The following SSU72 variants were observed in gnomAD, a reference collection of about 807,000 sequenced individuals.
SSU72 encodes the protein RNA polymerase II subunit A C-terminal domain phosphatase SSU72.
SSU72 carries 12 observed loss-of-function variants against 22.7 expected under a neutral mutation model. That is an observed-to-expected ratio of 0.53 (90% CI 0.34 to 0.86). SSU72 has a LOEUF of 0.86. SSU72 is among the 40% of genes least tolerant of loss of function. The pLI is 0.02. For synonymous variants in SSU72, 116 were observed against 98.3 expected, an observed-to-expected ratio of 1.18 and a Z score of -1.06; for missense variants, 151 against 249.8, an observed-to-expected ratio of 0.60 and a Z score of 2.67.
At chr1:1,565,561 A>G (rs6603791) in intron 1 of SSU72, among the ~76,000 whole-genome samples, 78,434 of 151,896 alleles carry the variant, frequency 0.52, 24,590 homozygotes, top group East Asian at 0.87. Context: ...TAAGGGACTC[A>G]CAAAGGTCCA....
intron 2 of SSU72, among the ~76,000 whole-genome samples, chr1:1,553,834 G>C (rs77524534): frequency 2.0e-5 from 3 of 151,342 alleles, no homozygotes; most frequent in African/African-American, 7.3e-5. Flanking sequence ...AGACGAACTG[G>C]AGCAGGCCGC....
chr1:1,550,192 G>GTATA (rs1188956150), intron 2 of SSU72, among the ~76,000 whole-genome samples: 33 of 139,288 alleles, frequency 2.4e-4, no homozygotes, highest in African/African-American at 5.6e-4. Context: ...AAAAAAAAAA[G>GTATA]TATATATATA....
chr1:1,554,540 T>C lies in SSU72; in HGVS notation c.225-9538A>G, dbSNP rs995458542. Among the ~76,000 whole-genome samples the C allele has an allele frequency of 6.6e-6, 1 of 152,178 alleles. No individual in the cohort carries two copies. The highest frequency in any genetic ancestry group is 2.4e-5 in the African/African-American group (1 of 41,446). On this transcript the variant is annotated intron_variant, in intron 2 of 4. Coordinates refer to ENST00000291386, the MANE Select transcript of SSU72 (RefSeq NM_014188.3). This position sits in a 1 kb window ranked among gnomAD's most constrained non-coding sequence, Gnocchi z 4.1. ...TTTTCCTTACCAAGGTTTTCTCTTT[T>C]CACTCCCTAGGGGCCTTAGTGGGAC...
At chr1:1,572,918 T>C (rs1280786337) in intron 1 of SSU72, among the ~76,000 whole-genome samples, 1 of 150,342 alleles carries the variant, frequency 6.7e-6, no homozygotes, top group Non-Finnish European at 1.5e-5. Context: ...TGCTTAAATG[T>C]ATCAAATTTT....
At chr1:1,571,499 G>A (rs920433680) in intron 1 of SSU72, among the ~76,000 whole-genome samples, 1 of 150,352 alleles carries the variant, frequency 6.7e-6, no homozygotes, top group South Asian at 2.1e-4. Context: ...CCATATTCAT[G>A]ATATCCATAA....
rs1288572664 is a variant in SSU72, at chr1:1,554,329, T to A, written c.225-9327A>T. Among the ~76,000 whole-genome samples, 1 of 133,190 alleles carries A rather than the reference T, an allele frequency of 7.5e-6. No individual in the cohort carries two copies. The highest frequency in any genetic ancestry group is 1.6e-5 in the Non-Finnish European group (1 of 61,834). 87.4% of individuals were successfully genotyped at this position (133,190 alleles called of 152,430 possible). On this transcript the variant is annotated intron_variant, in intron 2 of 4. Coordinates refer to ENST00000291386, the MANE Select transcript of SSU72 (RefSeq NM_014188.3). This position sits in a 1 kb window ranked among gnomAD's most constrained non-coding sequence, Gnocchi z 4.1. ...TCGGGGGTCCCCACGAAGCTGAGCATGAGGCGGATCCGGACCACTCGGGGG... is the reference window on the plus strand; with the variant it reads ...TCGGGGGTCCCCACGAAGCTGAGCAAGAGGCGGATCCGGACCACTCGGGGG...
intron 2 of SSU72, among the ~76,000 whole-genome samples, chr1:1,555,314 G>A (rs949351254): frequency 1.3e-5 from 2 of 152,208 alleles, no homozygotes; most frequent in African/African-American, 2.4e-5. Flanking sequence ...AGACAGCCTC[G>A]GCGGCGCTGG....
intron 1 of SSU72, among the ~76,000 whole-genome samples, chr1:1,574,154 G>T (rs1642775115): frequency 6.6e-6 from 1 of 152,060 alleles, no homozygotes; most frequent in Non-Finnish European, 1.5e-5. Flanking sequence ...GGTGGCCAAC[G>T]ACGCACACGA....
At chr1:1,559,390 T>C (rs1362406293) in intron 2 of SSU72, among the ~76,000 whole-genome samples, 5 of 152,110 alleles carry the variant, frequency 3.3e-5, no homozygotes, top group African/African-American at 1.2e-4. Context: ...TGCAACTCCA[T>C]GAATGTCCTG....
chr1:1,542,813 TC>T lies in SSU72; in HGVS notation c.484-647del, dbSNP rs2100702391. ...GACGACATTTTCTTATGACCTTTTC[TC>T]CTGCCAGGCGATCATGAAGACCGTC... On this transcript the variant is annotated intron_variant, in intron 4 of 4. Coordinates refer to ENST00000291386, the MANE Select transcript of SSU72 (RefSeq NM_014188.3). This position sits in a 1 kb window ranked among gnomAD's most constrained non-coding sequence, Gnocchi z 4.4. Among the ~76,000 whole-genome samples the T allele has an allele frequency of 6.6e-6, 1 of 152,222 alleles. No individual in the cohort carries two copies. The highest frequency in any genetic ancestry group is 2.4e-5 in the African/African-American group (1 of 41,552).
intron 1 of SSU72, among the ~76,000 whole-genome samples, chr1:1,573,210 A>G (rs993067214): frequency 1.4e-4 from 21 of 151,260 alleles, no homozygotes; most frequent in Admixed American, 6.6e-4. Flanking sequence ...TCACGAGGTC[A>G]TAAGATCAAG....
At chr1:1,560,955 G>A (rs1207087000) in intron 2 of SSU72, 6 of 152,226 alleles carry the variant, frequency 3.9e-5, no homozygotes, top group African/African-American at 1.2e-4. Context: ...GAAATTCTGC[G>A]AGGTGGGCAT....
chr1:1,574,455 G>A (rs766029058), intron 1 of SSU72, 23 bp downstream of exon 1: 1 of 1,584,820 alleles, frequency 6.3e-7, no homozygotes, highest in Non-Finnish European at 8.6e-7. Context: ...AGAGCGCGCG[G>A]GGACAGGGTG....
Position 1,542,524 on chromosome 1 carries a change from A to C in SSU72, c.484-357T>G, listed in dbSNP as rs530422679. Among the ~76,000 whole-genome samples the C allele has an allele frequency of 3.2e-4, 48 of 151,992 alleles. 1 individual carries two copies. Among genetic ancestry groups the C allele is most frequent in the African/African-American group, 3.9e-4 (16 of 41,390 alleles). ...CACCGCCAGCGCTTCCACACCACCAACAAGCGAGCGGGGGCAGCCTGGTCA... is the reference window on the plus strand; with the variant it reads ...CACCGCCAGCGCTTCCACACCACCACCAAGCGAGCGGGGGCAGCCTGGTCA... On this transcript the variant is annotated intron_variant, in intron 4 of 4. Transcript: ENST00000291386. The surrounding 1 kb of genome is among the most constrained non-coding windows in gnomAD (Gnocchi z 4.4).
chr1:1,553,018 CAAAAAAAAA>C (rs35241878), intron 2 of SSU72, among the ~76,000 whole-genome samples: 1 of 93,818 alleles, frequency 1.1e-5, no homozygotes, highest in South Asian at 3.2e-4. Flanking sequence ...GAGACTGTCT[CAAAAAAAAA>C]AAAAAAAAAA....
Position 1,541,758 on chromosome 1 carries a change from G to GA in SSU72, c.*307dup. On this transcript the variant is annotated 3_prime_UTR_variant, in exon 5 of 5. Transcript: ENST00000291386. ...CTGTACAGTCCGGCCCGGTGGGGAGGAGGGAGGGAAGGCAGGCACACGAAG... is the reference window on the plus strand; with the variant it reads ...CTGTACAGTCCGGCCCGGTGGGGAGGAAGGGAGGGAAGGCAGGCACACGAAG... 2.6e-6 allele frequency: 1 copy of GA among 388,364 alleles called. No individual in the cohort carries two copies. Among genetic ancestry groups the GA allele is most frequent in the Non-Finnish European group, 4.9e-6 (1 of 204,738 alleles). 24.1% of individuals were successfully genotyped at this position (388,364 alleles called of 1,614,324 possible).
At chr1:1,544,326 T>C (rs1351881351) in intron 3 of SSU72, among the ~76,000 whole-genome samples, 1 of 152,104 alleles carries the variant, frequency 6.6e-6, no homozygotes, top group Non-Finnish European at 1.5e-5. Context: ...GTCCATCCGC[T>C]TGAAAAATGG....
At chr1:1,555,056 C>A (rs1194976819) in intron 2 of SSU72, among the ~76,000 whole-genome samples, 3 of 152,262 alleles carry the variant, frequency 2.0e-5, no homozygotes, top group Admixed American at 6.5e-5. Context: ...CAGACACACC[C>A]ACGAGGGGGG....
intron 1 of SSU72, among the ~76,000 whole-genome samples, chr1:1,565,134 ATCATGAAGGCAGG>A (rs1642643699): frequency 6.6e-6 from 1 of 151,680 alleles, no homozygotes; most frequent in African/African-American, 2.4e-5. Context: ...AGGCAGGCGG[ATCATGAAGGCAGG>A]CGGATCATGA....
Sources: allele counts gnomAD v4.1 joint callset (sites outside exome capture counted in the v4.1 genomes callset), GRCh38; gene constraint gnomAD v4.1.1; non-coding constraint Gnocchi (gnomAD v3.1); transcripts MANE v1.5; gene names NCBI Gene and HGNC (gene_info 2026-07-23, HGNC 2026-07-21).